LRRC4C: variants seen among roughly 807,000 people sequenced by gnomAD.
The protein encoded by LRRC4C is leucine-rich repeat-containing protein 4C.
LRRC4C carries 5 observed loss-of-function variants against 33.6 expected under a neutral mutation model. That is an observed-to-expected ratio of 0.15 (90% CI 0.08 to 0.31). LRRC4C has a LOEUF of 0.31. Ranked by LOEUF, LRRC4C falls within the 10% of genes least tolerant of loss-of-function variation. LRRC4C has a pLI of 1.00. For synonymous variants in LRRC4C, 329 were observed against 302.0 expected, an observed-to-expected ratio of 1.09 and a Z score of -0.93; for missense variants, 560 against 796.7, an observed-to-expected ratio of 0.70 and a Z score of 3.58.
At chr11:41,427,051 A>C (rs1321646336) in intron 1 of LRRC4C, among the ~76,000 whole-genome samples, 1 of 152,180 alleles carries the variant, frequency 6.6e-6, no homozygotes, top group Non-Finnish European at 1.5e-5. Context: ...GAAGGAAAAT[A>C]TATCTTATCT....
intron 1 of LRRC4C, among the ~76,000 whole-genome samples, chr11:41,438,702 G>T (rs1955519334): frequency 1.3e-5 from 2 of 152,112 alleles, no homozygotes. Flanking sequence ...CTCCACGTCA[G>T]CTTTTCCAAT....
chr11:41,296,187 T>G (rs1407231496), intron 1 of LRRC4C, among the ~76,000 whole-genome samples: 1 of 152,206 alleles, frequency 6.6e-6, no homozygotes, highest in South Asian at 2.1e-4. Flanking sequence ...GAAACCAATA[T>G]TGCATTGCAG....
At chr11:40,375,253 C>T (rs943829453) in intron 3 of LRRC4C, among the ~76,000 whole-genome samples, 1 of 152,052 alleles carries the variant, frequency 6.6e-6, no homozygotes, top group Admixed American at 6.6e-5. Flanking sequence ...TCCTCAACAG[C>T]GGTAATTAGA....
In LRRC4C at chr11:40,283,338, T is replaced by C. The variant is rs529599962; in HGVS notation, c.-176+36290A>G. 5.9e-5 allele frequency among the ~76,000 whole-genome samples: 9 copies of C among 152,344 alleles called. 3 individuals carry two copies. Among genetic ancestry groups the C allele is most frequent in the African/African-American group, 2.2e-4 (9 of 41,580 alleles). On this transcript the variant is annotated intron_variant, in intron 4 of 6. Transcript: ENST00000528697. ...AAATCACCTTTGCTTTTGGCTCAAT[T>C]TATATAAAATCATTTGATTTAAATG...
chr11:41,034,909 A>G (rs1309552137), intron 1 of LRRC4C, among the ~76,000 whole-genome samples: 1 of 149,706 alleles, frequency 6.7e-6, no homozygotes, highest in Non-Finnish European at 1.5e-5. Context: ...TATGTTTGAT[A>G]ATTGTAATTT....
At chr11:40,441,889 A>G (rs1951410954) in intron 3 of LRRC4C, among the ~76,000 whole-genome samples, 1 of 152,176 alleles carries the variant, frequency 6.6e-6, no homozygotes, top group Non-Finnish European at 1.5e-5. Context: ...CTGGCTGGGC[A>G]CCGTGGCTCA....
intron 1 of LRRC4C, among the ~76,000 whole-genome samples, chr11:40,944,782 G>A (rs1208907123): frequency 1.3e-5 from 2 of 152,170 alleles, no homozygotes; most frequent in African/African-American, 2.4e-5. Context: ...AGTCAGAACA[G>A]TTTTCCAATT....
At chr11:41,255,822 G>A (rs1026225575) in intron 1 of LRRC4C, among the ~76,000 whole-genome samples, 1 of 151,950 alleles carries the variant, frequency 6.6e-6, no homozygotes, top group Non-Finnish European at 1.5e-5. Context: ...TACGTGTCTG[G>A]ATCAAGTGGG....
chr11:41,354,404 C>T (rs1289984685), intron 1 of LRRC4C, among the ~76,000 whole-genome samples: 27 of 152,028 alleles, frequency 1.8e-4, no homozygotes, highest in Admixed American at 1.8e-3. Context: ...ACATTCCATG[C>T]TCATGGATAG....
chr11:41,150,383 G>T (rs1221209967), intron 1 of LRRC4C, among the ~76,000 whole-genome samples: 3 of 152,204 alleles, frequency 2.0e-5, no homozygotes, highest in African/African-American at 7.2e-5. Flanking sequence ...TGGACATGGT[G>T]CTCAACAGTA....
At chr11:40,562,667 G>T (rs931622836) in intron 3 of LRRC4C, among the ~76,000 whole-genome samples, 3 of 152,048 alleles carry the variant, frequency 2.0e-5, no homozygotes, top group African/African-American at 7.2e-5. Context: ...TACCTTAAGT[G>T]TACACTTAGA....
chr11:40,463,163 G>A (rs1471531873), intron 3 of LRRC4C, among the ~76,000 whole-genome samples: 1 of 152,030 alleles, frequency 6.6e-6, no homozygotes, highest in Non-Finnish European at 1.5e-5. Context: ...TTACAATGAG[G>A]AAGAAAAACA....
At position 40,808,201 on chromosome 11, in the gene LRRC4C, TATC is replaced by T. The variant is rs545201513; in HGVS notation, c.-407+125431_-407+125433del. The stretch of plus-strand genomic sequence containing the variant: ...GTATATATAATCTGATATTTTATAT[TATC>T]ATAATTATCATTACTGTTTCCATTA... On this transcript the variant is annotated intron_variant, in intron 2 of 6. Coordinates refer to ENST00000528697, the MANE Select transcript of LRRC4C (RefSeq NM_001258419.2). 2.5e-3 allele frequency among the ~76,000 whole-genome samples: 373 copies of T among 151,348 alleles called. 3 individuals carry two copies. Among genetic ancestry groups the T allele is most frequent in the South Asian group, 0.022 (106 of 4,826 alleles).
intron 3 of LRRC4C, among the ~76,000 whole-genome samples, chr11:40,413,301 G>A (rs1409167789): frequency 2.0e-5 from 3 of 152,022 alleles, no homozygotes; most frequent in Non-Finnish European, 4.4e-5. Context: ...TCAAAGGAAA[G>A]AGGAGAGGAT....
chr11:40,499,793 G>A (rs758060132), intron 3 of LRRC4C, among the ~76,000 whole-genome samples: 1 of 152,130 alleles, frequency 6.6e-6, no homozygotes, highest in Admixed American at 6.5e-5. Flanking sequence ...GTTACATCAA[G>A]AGAACCTCAA....
chr11:40,140,514 C>A (rs1213886493), intron 6 of LRRC4C, among the ~76,000 whole-genome samples: 2 of 152,098 alleles, frequency 1.3e-5, no homozygotes, highest in Admixed American at 1.3e-4. Flanking sequence ...GGTAAGTCAT[C>A]TCTCGAGTCA....
chr11:41,426,481 G>C (rs533031229), intron 1 of LRRC4C: 1 of 152,278 alleles, frequency 6.6e-6, no homozygotes, highest in East Asian at 1.9e-4. Flanking sequence ...GCAGCAAACT[G>C]ACAGCAATGT....
intron 1 of LRRC4C, among the ~76,000 whole-genome samples, chr11:41,129,277 C>T (rs1368319405): frequency 6.6e-6 from 1 of 151,880 alleles, no homozygotes; most frequent in Admixed American, 6.6e-5. Flanking sequence ...GCATGTTTGG[C>T]AATTTGTAAA....
chr11:40,546,072 T>TCCTTCCTA (rs1555098027), intron 3 of LRRC4C, among the ~76,000 whole-genome samples: 281 of 115,994 alleles, frequency 2.4e-3, no homozygotes, highest in Middle Eastern at 8.7e-3. Flanking sequence ...CTTCCTTCCT[T>TCCTTCCTA]CCTTCCTTCC....
Sources: gnomAD v4.1 joint callset for allele counts (sites outside exome capture counted in the v4.1 genomes callset) on GRCh38, gnomAD v4.1.1 for gene constraint, MANE v1.5 for transcripts, NCBI Gene and HGNC (gene_info 2026-07-23, HGNC 2026-07-21) for gene names.